TEX15: variants seen among roughly 807,000 people sequenced by gnomAD.
TEX15 encodes the protein testis-expressed protein 15.
TEX15 carries 171 observed loss-of-function variants against 237.3 expected under a neutral mutation model. The ratio of observed to expected loss-of-function variants is 0.72; its 90% confidence interval spans 0.64 to 0.82. The LOEUF is 0.82. Among genes scored for constraint, TEX15 ranks in the 40% least tolerant of loss-of-function variants. The pLI is 0.00. For synonymous variants in TEX15, 1,338 were observed against 1,269.8 expected, an observed-to-expected ratio of 1.05 and a Z score of -1.14; for missense variants, 3,750 against 3,646.5, an observed-to-expected ratio of 1.03 and a Z score of -0.73.
At position 30,837,442 on chromosome 8, in the gene TEX15, T is replaced by C. The variant is rs1395635064; in HGVS notation, c.8842A>G (p.Thr2948Ala). 3 of 1,614,144 alleles carry C rather than the reference T, an allele frequency of 1.9e-6. No homozygotes were observed. Among genetic ancestry groups the C allele is most frequent in the Admixed American group, 3.3e-5 (2 of 60,026 alleles). ...EPICIQNKIP[T>A]LQINKLQPTE... ...GGCTGTAGTTTGTTTATCTGCAGAG[T>C]AGGAATTTTGTTCTGGATACAGATG... Residue 2948 changes from threonine to alanine, a missense_variant, in exon 10 of 11, where the codon ACT becomes GCT. Coordinates refer to ENST00000643185, the MANE Select transcript of TEX15 (RefSeq NM_001350162.2).
chr8:30,907,647 T>C (rs532110797), intron 1 of TEX15, among the ~76,000 whole-genome samples: 3 of 143,100 alleles, frequency 2.1e-5, no homozygotes, highest in Non-Finnish European at 4.6e-5. Context: ...ATCTAATTTA[T>C]ATATTATATA....
In TEX15 at chr8:30,837,315, T is replaced by C; in HGVS notation, c.8969A>G (p.Gln2990Arg). The change falls in exon 10 of 11, where the codon CAA (glutamine) becomes CGA (arginine). Residue 2990 changes from glutamine to arginine, a missense_variant. Gln to Arg is a conservative substitution (Grantham distance 43). Transcript: ENST00000643185. ...ASGHITLNVN[Q>R]GAEYSLSEQQ... Reference sequence around the variant, plus strand: ...TTCAGAAAGAGAGTACTCTGCTCCTTGATTCACATTAAGGGTTATATGCCC... The same window carrying C: ...TTCAGAAAGAGAGTACTCTGCTCCTCGATTCACATTAAGGGTTATATGCCC... The C allele has an allele frequency of 1.2e-6, 2 of 1,614,200 alleles. No homozygotes were observed. Among genetic ancestry groups the C allele is most frequent in the East Asian group, 4.5e-5 (2 of 44,876 alleles).
chr8:30,897,006 C>T (rs1194196030), intron 2 of TEX15, among the ~76,000 whole-genome samples: 1 of 152,150 alleles, frequency 6.6e-6, no homozygotes, highest in Non-Finnish European at 1.5e-5. Flanking sequence ...CTAAAGATAA[C>T]CTGGCTAGGA....
At chr8:30,840,246 A>C (rs1807420742) in intron 8 of TEX15, among the ~76,000 whole-genome samples, 1 of 151,986 alleles carries the variant, frequency 6.6e-6, no homozygotes, top group Admixed American at 6.6e-5. Context: ...CCCAGGCTGA[A>C]GTGCAGTGAT....
intron 7 of TEX15, among the ~76,000 whole-genome samples, chr8:30,852,387 C>A (rs1035403826): frequency 1.3e-5 from 2 of 152,086 alleles, no homozygotes; most frequent in Non-Finnish European, 2.9e-5. Context: ...GCCACCGCGC[C>A]TGGCCACATT....
chr8:30,874,333 T>C (rs1231926433), intron 4 of TEX15, among the ~76,000 whole-genome samples: 2 of 152,204 alleles, frequency 1.3e-5, no homozygotes, highest in African/African-American at 4.8e-5. Context: ...ATAGGAATGC[T>C]AAATTGTGCT....
intron 2 of TEX15, among the ~76,000 whole-genome samples, chr8:30,888,377 G>A (rs967655130): frequency 6.6e-6 from 1 of 152,070 alleles, no homozygotes; most frequent in Admixed American, 6.6e-5. Flanking sequence ...ACAGCCAATC[G>A]CTTATTGACT....
chr8:30,902,438 G>T (rs1809027200), intron 1 of TEX15, among the ~76,000 whole-genome samples: 1 of 152,096 alleles, frequency 6.6e-6, no homozygotes, highest in Non-Finnish European at 1.5e-5. Flanking sequence ...TTATCCAGTG[G>T]CTACCTTGTT....
chr8:30,872,589 A>G (rs1381033042), intron 4 of TEX15, among the ~76,000 whole-genome samples: 1 of 152,108 alleles, frequency 6.6e-6, no homozygotes, highest in Non-Finnish European at 1.5e-5. Context: ...CATTGTTATC[A>G]TAGAAGATGA....
intron 6 of TEX15, among the ~76,000 whole-genome samples, 181 bp from the exon 7 acceptor site, chr8:30,859,011 AT>A (rs767146759): frequency 1.8e-3 from 278 of 151,336 alleles, no homozygotes; most frequent in African/African-American, 5.9e-3. Flanking sequence ...CTCCCCCACA[AT>A]TTTTTTTTGA....
chr8:30,863,526 C>G (rs1438222245), intron 5 of TEX15, among the ~76,000 whole-genome samples: 1 of 152,116 alleles, frequency 6.6e-6, no homozygotes, highest in Non-Finnish European at 1.5e-5. Context: ...AACAGAGTGG[C>G]AACTAGAAGT....
At chr8:30,872,851 A>T (rs1563261448) in intron 4 of TEX15, among the ~76,000 whole-genome samples, 1 of 152,214 alleles carries the variant, frequency 6.6e-6, no homozygotes, top group Admixed American at 6.6e-5. Context: ...TTATTACAAA[A>T]GGGTCAAAAA....
intron 10 of TEX15, among the ~76,000 whole-genome samples, chr8:30,836,210 T>TTC (rs1420002590): frequency 2.5e-5 from 3 of 121,186 alleles, no homozygotes; most frequent in African/African-American, 9.7e-5. Flanking sequence ...GTATCGTTTT[T>TTC]TTTTTTTTTT....
chr8:30,856,861 T>G (rs1658720269), intron 7 of TEX15, among the ~76,000 whole-genome samples: 1 of 151,858 alleles, frequency 6.6e-6, no homozygotes. Context: ...CACAAATTAA[T>G]ATATAGATTC....
In TEX15 at chr8:30,858,753, T is replaced by C. The variant is rs967112027; in HGVS notation, c.765A>G (p.Thr255=). The C allele has an allele frequency of 7.8e-6, 12 of 1,535,632 alleles. No individual in the cohort carries two copies. The highest frequency in any genetic ancestry group is 1.0e-5 in the Non-Finnish European group (12 of 1,146,610). The change falls in exon 7 of 11, where the codon ACA becomes ACG. Residue 255 remains threonine (T), a synonymous_variant. Transcript: ENST00000643185. ...CTACTTTTGAACCAAGAAATTTTAC[T>C]GTTACTACAGCATATGGAAGACATT... ...PRQCLPYAVV[T]VKFLGSKVDN... is the part of the protein sequence containing the mutation.
In TEX15 at chr8:30,832,711, C is replaced by T. The variant is rs1807208728; in HGVS notation, c.*575G>A. 6.6e-6 allele frequency: 1 copy of T among 152,106 alleles called. No homozygotes were observed. The highest frequency in any genetic ancestry group is 1.5e-5 in the Non-Finnish European group (1 of 67,974). The allele number at this position is 152,106 out of a possible 1,614,324, so 9.4% of individuals were successfully genotyped here. The stretch of plus-strand genomic sequence containing the variant: ...CTTGTAGAAAAAGGCATTGAAAGTG[C>T]TTCATTGCCAATATAATTAACTACA... On this transcript the variant is annotated 3_prime_UTR_variant, in exon 11 of 11. Coordinates refer to ENST00000643185, the MANE Select transcript of TEX15 (RefSeq NM_001350162.2).
Position 30,844,145 on chromosome 8 carries a change from C to T in TEX15, c.6022G>A (p.Asp2008Asn), listed in dbSNP as rs763089814. Residue 2008 changes from aspartate (D) to asparagine (N), a missense_variant, in exon 8 of 11, where the codon GAT becomes AAT. Transcript: ENST00000643185. ...ANLSQILQRA[D>N]EASSLQILQE... ...AGAATCTGCAAAGATGATGCTTCATCTGCCCTCTGCAAAATTTGAGATAGA... is the reference window on the plus strand; with the variant it reads ...AGAATCTGCAAAGATGATGCTTCATTTGCCCTCTGCAAAATTTGAGATAGA... The T allele has an allele frequency of 1.2e-6, 2 of 1,613,292 alleles. No individual in the cohort carries two copies. The highest frequency in any genetic ancestry group is 2.2e-5 in the South Asian group (2 of 90,926).
chr8:30,909,858 C>T (rs1809182669), intron 1 of TEX15, among the ~76,000 whole-genome samples: 1 of 152,114 alleles, frequency 6.6e-6, no homozygotes, highest in African/African-American at 2.4e-5. Context: ...TTTGATATCA[C>T]ATTTAATAGA....
At chr8:30,893,528 G>A (rs1808836870) in intron 2 of TEX15, among the ~76,000 whole-genome samples, 1 of 152,116 alleles carries the variant, frequency 6.6e-6, no homozygotes, top group South Asian at 2.1e-4. Flanking sequence ...CAGGTATCTT[G>A]ATCTTGCCCT....
Sources: allele counts gnomAD v4.1 joint callset (sites outside exome capture counted in the v4.1 genomes callset), GRCh38; gene constraint gnomAD v4.1.1; transcripts MANE v1.5; gene names NCBI Gene and HGNC (gene_info 2026-07-23, HGNC 2026-07-21).